Variants in CDCA3 observed in about 807,000 individuals in gnomAD.
CDCA3 encodes the protein cell division cycle-associated protein 3.
In CDCA3, 16 loss-of-function variants were observed where a neutral mutation model predicts 29.1. That is an observed-to-expected ratio of 0.55 (90% CI 0.37 to 0.83). The LOEUF (loss-of-function observed/expected upper bound fraction) is 0.83. Among genes scored for constraint, CDCA3 ranks in the 40% least tolerant of loss-of-function variants. CDCA3 has a pLI of 0.00. For synonymous variants in CDCA3, 88 were observed against 124.5 expected (o/e 0.71, Z 1.95); for missense variants, 291 against 327.2 (o/e 0.89, Z 0.85).
At chr12:6,846,816 G>A (rs782617297), downstream of CDCA3, 2 of 1,598,684 alleles carry the variant, frequency 1.3e-6, no homozygotes, top group South Asian at 1.1e-5. Context: ...CACGATAACA[G>A]GGTGAGCTGC....
At chr12:6,847,061 G>C (rs1943720433), downstream of CDCA3, 5 of 590,996 alleles carry the variant, frequency 8.5e-6, no homozygotes, top group Admixed American at 1.4e-4. Context: ...TTGGGAGGCA[G>C]CATCAGGGAC....
downstream of CDCA3, chr12:6,845,628 G>T (rs372895359): frequency 1.9e-6 from 3 of 1,613,340 alleles, no homozygotes; most frequent in Admixed American, 5.0e-5. Context: ...CTCGGATGAC[G>T]CTTCCTGCCG....
At position 6,849,476 on chromosome 12, in the gene CDCA3, C is replaced by G. The variant is rs781927055; in HGVS notation, c.545-47G>C. 5 of 1,554,978 alleles carry G rather than the reference C, an allele frequency of 3.2e-6. No individual in the cohort carries two copies. Among genetic ancestry groups the G allele is most frequent in the Admixed American group, 3.8e-5 (2 of 52,768 alleles). On this transcript the variant is annotated intron_variant, in intron 4 of 5. Coordinates refer to ENST00000538862, the MANE Select transcript of CDCA3 (RefSeq NM_031299.7). The surrounding 1 kb of genome is among the most constrained non-coding windows in gnomAD (Gnocchi z 5.2). ...AGCAAGGACCCAAAACTAGGACTTA[C>G]AGTTTATTCCTCCCACACTCACCCA... is the stretch of plus-strand genomic sequence containing the variant.
chr12:6,850,481 T>C lies in CDCA3; in HGVS notation c.236A>G (p.Lys79Arg). The C allele has an allele frequency of 6.2e-7, 1 of 1,614,158 alleles. No individual in the cohort carries two copies. Among genetic ancestry groups the C allele is most frequent in the Non-Finnish European group, 8.5e-7 (1 of 1,180,022 alleles). ...CCAACGCTTACCTCCACTGCTGGTC[T>C]TCATAGGTGTCCGTGCAATACCAAG... ...PTLGIARTPM[K>R]TSSGDPPSPL... Residue 79 changes from lysine to arginine, a missense_variant, in exon 3 of 6, where the codon AAG becomes AGG. Physicochemically the swap from Lys to Arg is conservative, Grantham distance 26. Transcript: ENST00000538862. This position sits in a 1 kb window ranked among gnomAD's most constrained non-coding sequence, Gnocchi z 4.7.
At chr12:6,846,688 TACAC>T (rs782215016), downstream of CDCA3, 57 of 629,624 alleles carry the variant, frequency 9.1e-5, no homozygotes, top group African/African-American at 2.8e-4. Flanking sequence ...CACACCCACA[TACAC>T]ACACACACCC....
In CDCA3 at chr12:6,850,454, G is replaced by A. The variant is rs138876608; in HGVS notation, c.250+13C>T. On this transcript the variant is annotated intron_variant, in intron 3 of 5. Transcript: ENST00000538862. The surrounding 1 kb of genome is among the most constrained non-coding windows in gnomAD (Gnocchi z 4.7). ...TGACAGCTTCATCAGCATTCCCTGG[G>A]CCCAACGCTTACCTCCACTGCTGGT... 3.7e-5 allele frequency: 59 copies of A among 1,614,064 alleles called. No homozygotes were observed. The highest frequency in any genetic ancestry group is 1.7e-4 in the Middle Eastern group (1 of 6,060).
At position 6,849,263 on chromosome 12, in the gene CDCA3, G is replaced by A; in HGVS notation, c.651+60C>T. The A allele has an allele frequency of 6.2e-7, 1 of 1,606,318 alleles. No homozygotes were observed. Among genetic ancestry groups the A allele is most frequent in the Non-Finnish European group, 8.5e-7 (1 of 1,174,900 alleles). On this transcript the variant is annotated intron_variant, in intron 5 of 5. Coordinates refer to ENST00000538862, the MANE Select transcript of CDCA3 (RefSeq NM_031299.7). This position sits in a 1 kb window ranked among gnomAD's most constrained non-coding sequence, Gnocchi z 5.2. ...CAGAAGAGGGAAGATCTGGGTAAAA[G>A]GGTCTCCCACCCTCTACGTTGGATA...
chr12:6,844,997 C>T (rs1555124277), downstream of CDCA3: 1 of 152,466 alleles, frequency 6.6e-6, no homozygotes, highest in Admixed American at 6.5e-5. Context: ...TCAAAAATGT[C>T]CATAATAGCT....
chr12:6,851,241 T>G lies in CDCA3; in HGVS notation c.-77A>C. Reference sequence around the variant, plus strand: ...ACTTACCGGGCCCCAATTCCACCTCTGGATGCACAACAGCTCGTGGCTCAA... The same window carrying G: ...ACTTACCGGGCCCCAATTCCACCTCGGGATGCACAACAGCTCGTGGCTCAA... On this transcript the variant is annotated 5_prime_UTR_variant, in exon 1 of 6. Transcript: ENST00000538862. 1 of 1,200,054 alleles carries G rather than the reference T, an allele frequency of 8.3e-7. No homozygotes were observed. Among genetic ancestry groups the G allele is most frequent in the Non-Finnish European group, 1.0e-6 (1 of 961,954 alleles). 74.3% of individuals were successfully genotyped at this position (1,200,054 alleles called of 1,614,324 possible).
downstream of CDCA3, chr12:6,846,699 A>C (rs1591593841): frequency 1.2e-5 from 8 of 667,094 alleles, no homozygotes; most frequent in Admixed American, 6.7e-5. Context: ...ACACACACAC[A>C]CCCACACACC....
chr12:6,851,126 C>T lies in CDCA3; in HGVS notation c.-58+96G>A, dbSNP rs782347821. On this transcript the variant is annotated intron_variant, in intron 1 of 5. Coordinates refer to ENST00000538862, the MANE Select transcript of CDCA3 (RefSeq NM_031299.7). ...AACTTCCTGGCGAGGGACCAGAGGC[C>T]TCTGCGGAGTTAATGACTGCTGCAG... The T allele has an allele frequency of 1.1e-5, 16 of 1,407,356 alleles. No homozygotes were observed. The East Asian group carries it at 2.1e-4, about 18-fold the overall frequency. 87.2% of individuals were successfully genotyped at this position (1,407,356 alleles called of 1,614,324 possible). A position where few individuals can be genotyped will look rare whatever the true frequency, so the allele number is the denominator to read the frequency against.
chr12:6,846,699 A>AT, downstream of CDCA3: 2 of 667,142 alleles, frequency 3.0e-6, no homozygotes, highest in Non-Finnish European at 2.6e-6. Flanking sequence ...ACACACACAC[A>AT]CCCACACACC....
Position 6,850,332 on chromosome 12 carries a change from T to C in CDCA3, c.250+135A>G. 8 of 1,188,320 alleles carry C rather than the reference T, an allele frequency of 6.7e-6. No homozygotes were observed. Among genetic ancestry groups the C allele is most frequent in the Non-Finnish European group, 9.6e-6 (8 of 835,482 alleles). 73.6% of individuals were successfully genotyped at this position (1,188,320 alleles called of 1,614,324 possible). On this transcript the variant is annotated intron_variant, in intron 3 of 5. Transcript: ENST00000538862. This position sits in a 1 kb window ranked among gnomAD's most constrained non-coding sequence, Gnocchi z 4.7. The stretch of plus-strand genomic sequence containing the variant: ...CGCACCCAGGCTGGGAACAAAATAT[T>C]GAGATAAGAGTGAGATGGGTCCGAA...
rs907981293 is a variant in CDCA3 at position 6,850,470 on chromosome 12, C to T, written c.247G>A (p.Gly83Arg). The T allele has an allele frequency of 6.2e-7, 1 of 1,614,130 alleles. No homozygotes were observed. Among genetic ancestry groups the T allele is most frequent in the Non-Finnish European group, 8.5e-7 (1 of 1,180,016 alleles). The change falls in exon 3 of 6, where the codon GGA (glycine) becomes AGA (arginine). Residue 83 changes from glycine (G) to arginine (R), a missense_variant. By Grantham distance (125) the Gly-to-Arg change is moderately radical. Transcript: ENST00000538862. The surrounding 1 kb of genome is among the most constrained non-coding windows in gnomAD (Gnocchi z 4.7). ...IARTPMKTSS[G>R]DPPSPLVKQL... ...ATTCCCTGGGCCCAACGCTTACCTC[C>T]ACTGCTGGTCTTCATAGGTGTCCGT...
chr12:6,851,154 GACAAA>G, intron 1 of CDCA3, 63 bp downstream of exon 1: 2 of 1,375,858 alleles, frequency 1.5e-6, no homozygotes, highest in Admixed American at 3.4e-5. Context: ...TGCTGCAGCT[GACAAA>G]ATGGCTCGTT....
intron 1 of CDCA3, 53 bp downstream of exon 1, chr12:6,851,169 T>C: frequency 7.2e-7 from 1 of 1,379,700 alleles, no homozygotes; most frequent in Non-Finnish European, 9.3e-7. Context: ...AATGGCTCGT[T>C]CTGGGCCTGC....
chr12:6,849,638 C>T lies in CDCA3; in HGVS notation c.471G>A (p.Gln157=), dbSNP rs782476169. Residue 157 remains glutamine, a synonymous_variant, in exon 4 of 6, where the codon CAG becomes CAA. Coordinates refer to ENST00000538862, the MANE Select transcript of CDCA3 (RefSeq NM_031299.7). This position sits in a 1 kb window ranked among gnomAD's most constrained non-coding sequence, Gnocchi z 5.2. ...KQVFSKEEAR[Q]PTETPVASQS... ...GGCTGGCCACAGGGGTTTCTGTGGGCTGTCTTGCTTCCTCCTTGGAAAACA... is the reference window on the plus strand; with the variant it reads ...GGCTGGCCACAGGGGTTTCTGTGGGTTGTCTTGCTTCCTCCTTGGAAAACA... 6.2e-7 allele frequency: 1 copy of T among 1,614,126 alleles called. No individual in the cohort carries two copies. Among genetic ancestry groups the T allele is most frequent in the South Asian group, 1.1e-5 (1 of 91,074 alleles).
In CDCA3 at chr12:6,849,403, T is replaced by C. The variant is rs1943782513; in HGVS notation, c.571A>G (p.Asn191Asp). ...SGSMRNRWKPNSSKVLGRSPL... is the reference protein window; with the variant it reads ...SGSMRNRWKPDSSKVLGRSPL... ...GATCTCCCTAGTACCTTGCTGCTGT[T>C]TGGTTTCCATCTATTGCGCATAGAA... The change falls in exon 5 of 6, where the codon AAC (asparagine) becomes GAC (aspartate). Residue 191 changes from asparagine to aspartate, a missense_variant. Coordinates refer to ENST00000538862, the MANE Select transcript of CDCA3 (RefSeq NM_031299.7). This position sits in a 1 kb window ranked among gnomAD's most constrained non-coding sequence, Gnocchi z 5.2. 6.2e-7 allele frequency: 1 copy of C among 1,601,008 alleles called. No individual in the cohort carries two copies. The highest frequency in any genetic ancestry group is 8.5e-7 in the Non-Finnish European group (1 of 1,173,594).
downstream of CDCA3, chr12:6,846,466 TTCTC>T (rs1362323447): frequency 1.2e-5 from 3 of 249,418 alleles, no homozygotes; most frequent in African/African-American, 2.2e-5. Flanking sequence ...CTTCCAGCCT[TTCTC>T]TGTCTGATCC....
Sources: allele counts gnomAD v4.1 joint callset, GRCh38; gene constraint gnomAD v4.1.1; non-coding constraint Gnocchi (gnomAD v3.1); transcripts MANE v1.5; gene names NCBI Gene and HGNC (gene_info 2026-07-23, HGNC 2026-07-21).